CHN1: variants seen among roughly 807,000 people sequenced by gnomAD.
CHN1 encodes chimerin 1, also known as N-chimaerin.
In CHN1, 37 loss-of-function variants were observed where a neutral mutation model predicts 59.5. That is an observed-to-expected ratio of 0.62 (90% CI 0.48 to 0.82). CHN1 has a LOEUF of 0.82. Among genes scored for constraint, CHN1 ranks in the 40% least tolerant of loss-of-function variants. The pLI is 0.00. For missense variants in CHN1, 469 were observed against 571.0 expected, an observed-to-expected ratio of 0.82 and a Z score of 1.82; for synonymous variants, 206 against 200.4, an observed-to-expected ratio of 1.03 and a Z score of -0.24.
chr2:174,976,950 C>T (rs919407300), intron 1 of CHN1, among the ~76,000 whole-genome samples: 9 of 152,254 alleles, frequency 5.9e-5, no homozygotes, highest in Admixed American at 2.6e-4. Flanking sequence ...TATTAGCAAA[C>T]GGGATGGTCC....
chr2:174,842,675 C>T (rs958741696), intron 7 of CHN1, among the ~76,000 whole-genome samples: 4 of 152,206 alleles, frequency 2.6e-5, no homozygotes, highest in African/African-American at 4.8e-5. Context: ...GCAAGAGTGT[C>T]GGCCACTGCC....
intron 3 of CHN1, among the ~76,000 whole-genome samples, chr2:174,943,964 A>G (rs1689749975): frequency 6.6e-6 from 1 of 152,112 alleles, no homozygotes; most frequent in Non-Finnish European, 1.5e-5. Context: ...ACCAGACTAT[A>G]TATTTTTTAT....
chr2:174,943,458 C>T (rs1313076690), intron 3 of CHN1, among the ~76,000 whole-genome samples: 1 of 152,170 alleles, frequency 6.6e-6, no homozygotes, highest in Middle Eastern at 3.4e-3. Context: ...AACTCTTGAC[C>T]TCGTGATCTG....
chr2:174,987,603 T>C (rs1359926603), intron 1 of CHN1, among the ~76,000 whole-genome samples: 1 of 152,036 alleles, frequency 6.6e-6, no homozygotes, highest in African/African-American at 2.4e-5. Flanking sequence ...CACCAGCTAA[T>C]TTTTGTATTT....
At chr2:174,940,856 T>A (rs115349757) in intron 3 of CHN1, among the ~76,000 whole-genome samples, 1,541 of 152,308 alleles carry the variant, frequency 0.01, 29 homozygotes, top group African/African-American at 0.035. Flanking sequence ...ACAGCCTTTC[T>A]TCCAATGGTT....
chr2:174,966,156 T>TG (rs1000225958), intron 1 of CHN1, among the ~76,000 whole-genome samples: 1 of 152,292 alleles, frequency 6.6e-6, no homozygotes, highest in African/African-American at 2.4e-5. Flanking sequence ...TGCAAAGTCA[T>TG]GGCCAAATCA....
chr2:174,928,017 T>A (rs1042889787), intron 3 of CHN1, among the ~76,000 whole-genome samples: 2 of 152,336 alleles, frequency 1.3e-5, no homozygotes, highest in East Asian at 3.9e-4. Context: ...TACTTCAAAA[T>A]GGCTCAGTTG....
At chr2:174,956,943 C>T (rs1690225807) in intron 1 of CHN1, among the ~76,000 whole-genome samples, 3 of 152,184 alleles carry the variant, frequency 2.0e-5, no homozygotes, top group South Asian at 2.1e-4. Context: ...GGGGGCAACA[C>T]AGGGTTAGGT....
At chr2:174,915,830 C>G (rs1361378877) in intron 4 of CHN1, among the ~76,000 whole-genome samples, 1 of 152,092 alleles carries the variant, frequency 6.6e-6, no homozygotes, top group African/African-American at 2.4e-5. Flanking sequence ...GCATAAAACA[C>G]TGAAAAAAAT....
At chr2:174,814,301 T>C (rs1456936107) in intron 8 of CHN1, among the ~76,000 whole-genome samples, 1 of 152,232 alleles carries the variant, frequency 6.6e-6, no homozygotes, top group Non-Finnish European at 1.5e-5. Flanking sequence ...ATCTACACTA[T>C]CTGAACAAAT....
At chr2:174,988,116 T>C (rs1021653849) in intron 1 of CHN1, among the ~76,000 whole-genome samples, 5 of 152,050 alleles carry the variant, frequency 3.3e-5, no homozygotes, top group Non-Finnish European at 7.4e-5. Context: ...TCCCAGCACT[T>C]TGGGAGCCAA....
chr2:174,951,543 AT>A (rs1690025893), intron 2 of CHN1, among the ~76,000 whole-genome samples: 1 of 152,240 alleles, frequency 6.6e-6, no homozygotes, highest in Admixed American at 6.5e-5. Context: ...TTTTGATTAT[AT>A]TAGCCCTATT....
chr2:174,821,916 G>C (rs574716840), intron 8 of CHN1: 18 of 265,116 alleles, frequency 6.8e-5, no homozygotes, highest in African/African-American at 3.9e-4. Flanking sequence ...AAGGAACAAG[G>C]AATGTTGTTC....
chr2:174,916,356 T>C lies in CHN1; in HGVS notation c.147-1185A>G, dbSNP rs192208090. Among the ~76,000 whole-genome samples the C allele has an allele frequency of 3.8e-4, 58 of 152,244 alleles. No homozygotes were observed. In the East Asian group the frequency reaches 9.6e-3, roughly 25 times the overall value. On this transcript the variant is annotated intron_variant, in intron 4 of 12. Coordinates refer to ENST00000409900, the MANE Select transcript of CHN1 (RefSeq NM_001822.7). Reference sequence around the variant, plus strand: ...CAAGTAGTATTAAAAATTAACAAATTTGTATACCTTCTCTCCTGTTAATCT... The same window carrying C: ...CAAGTAGTATTAAAAATTAACAAATCTGTATACCTTCTCTCCTGTTAATCT...
At chr2:174,920,934 G>C (rs1465186393) in intron 3 of CHN1, 6 of 428,122 alleles carry the variant, frequency 1.4e-5, no homozygotes, top group Non-Finnish European at 2.9e-5. Context: ...ATGGGAGACA[G>C]TGACAGATCA....
At chr2:174,868,401 T>C (rs991206744) in intron 6 of CHN1, among the ~76,000 whole-genome samples, 5 of 152,120 alleles carry the variant, frequency 3.3e-5, no homozygotes, top group African/African-American at 9.7e-5. Context: ...CAATAAACCA[T>C]GCAGAGTTCT....
At chr2:174,901,569 C>G (rs1297836604) in intron 5 of CHN1, among the ~76,000 whole-genome samples, 1 of 152,222 alleles carries the variant, frequency 6.6e-6, no homozygotes, top group Non-Finnish European at 1.5e-5. Context: ...GTCTAATCCT[C>G]TCTCTACCTA....
At chr2:174,814,132 G>A (rs1356981863) in intron 8 of CHN1, among the ~76,000 whole-genome samples, 1 of 152,178 alleles carries the variant, frequency 6.6e-6, no homozygotes, top group African/African-American at 2.4e-5. Context: ...CATATGAACT[G>A]AGCACCTCCA....
chr2:174,936,682 T>G lies in CHN1; in HGVS notation c.114+8206A>C, dbSNP rs903062216. 2.6e-5 allele frequency among the ~76,000 whole-genome samples: 4 copies of G among 152,290 alleles called. No homozygotes were observed. In the East Asian group the frequency reaches 5.8e-4, roughly 22 times the overall value. ...TATATATACCTATAAATGACAGAGTTGTATACACAAAAATATGTACCATTA... is the reference window on the plus strand; with the variant it reads ...TATATATACCTATAAATGACAGAGTGGTATACACAAAAATATGTACCATTA... On this transcript the variant is annotated intron_variant, in intron 3 of 12. Coordinates refer to ENST00000409900, the MANE Select transcript of CHN1 (RefSeq NM_001822.7).
Sources: gnomAD v4.1 joint callset for allele counts (sites outside exome capture counted in the v4.1 genomes callset) on GRCh38, gnomAD v4.1.1 for gene constraint, MANE v1.5 for transcripts, NCBI Gene and HGNC (gene_info 2026-07-23, HGNC 2026-07-21) for gene names.